The following FAM168A variants were observed in gnomAD, a reference collection of about 807,000 sequenced individuals.
The protein encoded by FAM168A is protein FAM168A.
In FAM168A, 3 loss-of-function variants were observed where a neutral mutation model predicts 28.5. The ratio of observed to expected loss-of-function variants is 0.11; its 90% CI spans 0.05 to 0.27. The LOEUF is 0.27. Ranked by LOEUF, FAM168A falls within the 10% of genes least tolerant of loss-of-function variation. The probability of loss-of-function intolerance (pLI) is 1.00; values close to 1 mark genes in which losing one functional copy is unlikely to be tolerated. For missense variants in FAM168A, 222 were observed against 311.5 expected (o/e 0.71, Z 2.16); for synonymous variants, 122 against 124.2 (o/e 0.98, Z 0.12).
At position 73,487,604 on chromosome 11, in the gene FAM168A, T is replaced by C. The variant is rs111314474; in HGVS notation, c.-18-19112A>G. Reference sequence around the variant, plus strand: ...ATAACTATATAAGTAATGATTATAATGCATTGCCCTCTCAGTTATCTGATC... The same window carrying C: ...ATAACTATATAAGTAATGATTATAACGCATTGCCCTCTCAGTTATCTGATC... On this transcript the variant is annotated intron_variant, in intron 1 of 7. Transcript: ENST00000356467. Among the ~76,000 whole-genome samples the C allele has an allele frequency of 2.2e-4, 33 of 152,334 alleles. 1 individual carries two copies. Among genetic ancestry groups the C allele is most frequent in the African/African-American group, 7.2e-4 (30 of 41,572 alleles).
chr11:73,455,287 C>A (rs1019402651), intron 2 of FAM168A, among the ~76,000 whole-genome samples: 1 of 152,224 alleles, frequency 6.6e-6, no homozygotes, highest in Non-Finnish European at 1.5e-5. Context: ...TGCCAGCGCC[C>A]AAAAGCACTT....
At chr11:73,409,890 G>A (rs750104199) in intron 5 of FAM168A, among the ~76,000 whole-genome samples, 8 of 152,186 alleles carry the variant, frequency 5.3e-5, no homozygotes, top group Non-Finnish European at 1.2e-4. Context: ...AATGGGATAA[G>A]AGCTCTACTC....
At position 73,402,047 on chromosome 11, in the gene FAM168A, T is replaced by A. The variant is rs947272772; in HGVS notation, c.*4716A>T. The A allele has an allele frequency of 1.3e-5, 2 of 152,294 alleles. No individual in the cohort carries two copies. Among genetic ancestry groups the A allele is most frequent in the African/African-American group, 4.8e-5 (2 of 41,472 alleles). 9.4% of individuals were successfully genotyped at this position (152,294 alleles called of 1,614,324 possible). ...CGGTGTGGAATCCCATCAGTTAGTC[T>A]GGCGTGTTTCTTCAGCTCTGCGGGT... is the stretch of plus-strand genomic sequence containing the variant. On this transcript the variant is annotated 3_prime_UTR_variant, in exon 8 of 8. Coordinates refer to ENST00000356467, the MANE Select transcript of FAM168A (RefSeq NM_015159.3).
At chr11:73,593,347 T>C (rs998685286) in intron 1 of FAM168A, among the ~76,000 whole-genome samples, 1 of 152,200 alleles carries the variant, frequency 6.6e-6, no homozygotes, top group African/African-American at 2.4e-5. Flanking sequence ...ACATATGACA[T>C]ATTTTACAAT....
At chr11:73,407,774 G>C in intron 6 of FAM168A, 131 bp from the exon 7 acceptor site, 1 of 729,286 alleles carries the variant, frequency 1.4e-6, no homozygotes, top group South Asian at 1.8e-5. Context: ...CCTTCCTGAT[G>C]ACCTGTTTTC....
chr11:73,471,937 A>G (rs934825521), intron 1 of FAM168A, among the ~76,000 whole-genome samples: 1 of 152,160 alleles, frequency 6.6e-6, no homozygotes, highest in Non-Finnish European at 1.5e-5. Context: ...ACCAGGCAGC[A>G]TAGCAGGAGG....
chr11:73,577,711 C>T (rs890316919), intron 1 of FAM168A, among the ~76,000 whole-genome samples: 7 of 152,286 alleles, frequency 4.6e-5, no homozygotes, highest in Middle Eastern at 3.4e-3. Context: ...AACTAAAACC[C>T]AGAACTCTGA....
In FAM168A at chr11:73,445,419, CTTTTTTTTTTTTTTTTTTT is replaced by C. The variant is rs56294455; in HGVS notation, c.71-14668_71-14650del. On this transcript the variant is annotated intron_variant, in intron 2 of 7. Transcript: ENST00000356467. Reference sequence around the variant, plus strand: ...CCAGTAGATATATGTAAAAATGTCTCTTTTTTTTTTTTTTTTTTTTTTTTTTTTTTGGTAGAGACAGGGT... The same window carrying C: ...CCAGTAGATATATGTAAAAATGTCTCTTTTTTTTTTTGGTAGAGACAGGGT... 3.1e-3 allele frequency among the ~76,000 whole-genome samples: 157 copies of C among 50,486 alleles called. 4 individuals carry two copies. The highest frequency in any genetic ancestry group is 4.0e-3 in the Non-Finnish European group (110 of 27,340). 33.1% of individuals were successfully genotyped at this position (50,486 alleles called of 152,430 possible).
chr11:73,574,447 C>T (rs1472929544), intron 1 of FAM168A, among the ~76,000 whole-genome samples: 2 of 152,206 alleles, frequency 1.3e-5, no homozygotes, highest in Non-Finnish European at 2.9e-5. Flanking sequence ...AATACATCAT[C>T]TATCTAACTG....
intron 1 of FAM168A, among the ~76,000 whole-genome samples, chr11:73,519,151 A>T (rs1735560649): frequency 6.6e-6 from 1 of 152,154 alleles, no homozygotes; most frequent in Non-Finnish European, 1.5e-5. Flanking sequence ...CCACAATGTG[A>T]TCTTGCCACA....
intron 1 of FAM168A, among the ~76,000 whole-genome samples, chr11:73,568,230 C>G (rs1260672700): frequency 1.3e-5 from 2 of 152,136 alleles, no homozygotes; most frequent in Non-Finnish European, 2.9e-5. Context: ...GCCAACTAAT[C>G]AAGGCTGAAA....
intron 1 of FAM168A, among the ~76,000 whole-genome samples, chr11:73,490,983 C>T (rs766125394): frequency 7.2e-5 from 11 of 152,100 alleles, no homozygotes; most frequent in Middle Eastern, 3.2e-3. Flanking sequence ...TTGAGAGGTG[C>T]CCCTGTTCTA....
intron 4 of FAM168A, 27 bp downstream of exon 4, chr11:73,419,847 C>A: frequency 1.2e-6 from 2 of 1,612,728 alleles, no homozygotes; most frequent in African/African-American, 2.7e-5. Flanking sequence ...CCAAGGGGAA[C>A]AAGGAAATGA....
intron 2 of FAM168A, among the ~76,000 whole-genome samples, chr11:73,443,200 T>C: frequency 6.6e-6 from 1 of 151,856 alleles, no homozygotes; most frequent in Non-Finnish European, 1.5e-5. Flanking sequence ...ATCCATGCTT[T>C]TTAGAATTAT....
Position 73,404,067 on chromosome 11 carries a change from G to T in FAM168A, c.*2696C>A, listed in dbSNP as rs949724143. On this transcript the variant is annotated 3_prime_UTR_variant, in exon 8 of 8. Transcript: ENST00000356467. The stretch of plus-strand genomic sequence containing the variant: ...TGATTTCCTTATGGATCAAATAGGA[G>T]AAATAACCTCTATTTCATCGGGTTA... 1 of 152,230 alleles carries T rather than the reference G, an allele frequency of 6.6e-6. No homozygotes were observed. 9.4% of individuals were successfully genotyped at this position (152,230 alleles called of 1,614,324 possible). A position where few individuals can be genotyped will look rare whatever the true frequency, so the allele number is the denominator to read the frequency against.
chr11:73,492,410 G>C (rs1441928498), intron 1 of FAM168A, among the ~76,000 whole-genome samples: 1 of 152,172 alleles, frequency 6.6e-6, no homozygotes, highest in Non-Finnish European at 1.5e-5. Flanking sequence ...ACTTTGGGAG[G>C]CTGAGGCAGT....
chr11:73,591,448 T>C (rs1451870772), intron 1 of FAM168A, among the ~76,000 whole-genome samples: 1 of 152,190 alleles, frequency 6.6e-6, no homozygotes, highest in Non-Finnish European at 1.5e-5. Context: ...AAATGTTAGG[T>C]ACCTTTTGTC....
chr11:73,561,443 C>T (rs1205461369), intron 1 of FAM168A, among the ~76,000 whole-genome samples: 1 of 151,818 alleles, frequency 6.6e-6, no homozygotes, highest in Non-Finnish European at 1.5e-5. Flanking sequence ...TTGTAGTTCA[C>T]CTATAGCAAC....
chr11:73,522,317 T>G (rs78202555), intron 1 of FAM168A, among the ~76,000 whole-genome samples: 12,573 of 151,776 alleles, frequency 0.083, 1,579 homozygotes, highest in African/African-American at 0.27. Context: ...GGACTCTGGG[T>G]TTTTTTTGTT....
Sources: allele counts gnomAD v4.1 joint callset (sites outside exome capture counted in the v4.1 genomes callset), GRCh38; gene constraint gnomAD v4.1.1; transcripts MANE v1.5; gene names NCBI Gene and HGNC (gene_info 2026-07-23, HGNC 2026-07-21).